Variants in RABGAP1L observed in about 807,000 individuals in gnomAD.
RABGAP1L encodes the protein rab GTPase-activating protein 1-like.
RABGAP1L carries 63 observed loss-of-function variants against 137.7 expected under a neutral mutation model. That is an observed-to-expected ratio of 0.46 (90% CI 0.37 to 0.56). The LOEUF is 0.56. Ranked by LOEUF, RABGAP1L falls within the 20% of genes least tolerant of loss-of-function variation. RABGAP1L has a pLI of 0.00. For missense variants in RABGAP1L, 1,095 were observed against 1,244.0 expected (o/e 0.88, Z 1.80); for synonymous variants, 431 against 433.7 (o/e 0.99, Z 0.08).
intron 19 of RABGAP1L, among the ~76,000 whole-genome samples, chr1:174,851,718 C>T (rs1648387809): frequency 6.6e-6 from 1 of 151,366 alleles, no homozygotes; most frequent in Non-Finnish European, 1.5e-5. Flanking sequence ...CAGAGTCTCT[C>T]TGTGGTTGCC....
intron 13 of RABGAP1L, among the ~76,000 whole-genome samples, chr1:174,511,893 A>G (rs1353710697): frequency 6.6e-6 from 1 of 152,162 alleles, no homozygotes; most frequent in African/African-American, 2.4e-5. Context: ...TGCTGGGATT[A>G]CAAGCATAAG....
chr1:174,388,650 T>C (rs771593588), intron 12 of RABGAP1L, among the ~76,000 whole-genome samples: 5 of 152,104 alleles, frequency 3.3e-5, no homozygotes, highest in Non-Finnish European at 7.4e-5. Flanking sequence ...CAGAATAATA[T>C]CTGGATAACT....
chr1:174,349,593 C>G (rs1216354324), intron 11 of RABGAP1L, among the ~76,000 whole-genome samples: 1 of 143,572 alleles, frequency 7.0e-6, no homozygotes, highest in Non-Finnish European at 1.6e-5. Context: ...GGCTGACCCC[C>G]CCCACCTCCC....
At chr1:174,831,553 A>T (rs1692119344) in intron 19 of RABGAP1L, among the ~76,000 whole-genome samples, 1 of 148,288 alleles carries the variant, frequency 6.7e-6, no homozygotes, top group African/African-American at 2.5e-5. Context: ...TGCTATAGAC[A>T]GACTCTTTGA....
intron 1 of RABGAP1L, among the ~76,000 whole-genome samples, chr1:174,213,259 T>C (rs963213204): frequency 6.6e-6 from 1 of 152,144 alleles, no homozygotes; most frequent in Non-Finnish European, 1.5e-5. Flanking sequence ...ACCCTGTCTC[T>C]ACTAAAAATA....
intron 19 of RABGAP1L, among the ~76,000 whole-genome samples, chr1:174,923,031 T>C (rs1340737233): frequency 2.6e-5 from 4 of 151,850 alleles, no homozygotes; most frequent in African/African-American, 4.8e-5. Flanking sequence ...AACAGCCAAG[T>C]ATGGTGGCAC....
At chr1:174,420,218 T>A (rs921955503) in intron 13 of RABGAP1L, among the ~76,000 whole-genome samples, 20 of 136,816 alleles carry the variant, frequency 1.5e-4, no homozygotes, top group Admixed American at 1.2e-3. Flanking sequence ...TTTTTTTTTT[T>A]AAATGGATAG....
chr1:174,722,542 T>C (rs1681647974), intron 17 of RABGAP1L, among the ~76,000 whole-genome samples: 1 of 151,810 alleles, frequency 6.6e-6, no homozygotes, highest in African/African-American at 2.4e-5. Flanking sequence ...CTCTGTCTCC[T>C]GGGTTCAAGC....
Position 174,268,723 on chromosome 1 carries a change from C to T in RABGAP1L, c.987-3691C>T, listed in dbSNP as rs1674294670. On this transcript the variant is annotated intron_variant, in intron 7 of 25. Coordinates refer to ENST00000681986, the MANE Select transcript of RABGAP1L (RefSeq NM_001366446.1). ...TTTTTCCTGCAGTTAAGTCTAAAGC[C>T]GTATTAGTGATACAGAGTTTTTGGT... Among the ~76,000 whole-genome samples the T allele has an allele frequency of 3.9e-5, 6 of 151,920 alleles. No individual in the cohort carries two copies. In the South Asian group the frequency reaches 1.2e-3, roughly 32 times the overall value.
At chr1:174,806,597 G>C (rs572179463) in intron 18 of RABGAP1L, among the ~76,000 whole-genome samples, 45 of 152,314 alleles carry the variant, frequency 3.0e-4, no homozygotes, top group Admixed American at 5.2e-4. Context: ...GACAGAGCAA[G>C]ACCCTGCCTC....
intron 13 of RABGAP1L, among the ~76,000 whole-genome samples, chr1:174,610,038 T>C (rs1451729446): frequency 6.6e-6 from 1 of 150,954 alleles, no homozygotes; most frequent in Non-Finnish European, 1.5e-5. Context: ...ATGCGTTTTT[T>C]TTTTCTTTTT....
intron 13 of RABGAP1L, among the ~76,000 whole-genome samples, chr1:174,629,566 G>A (rs578157023): frequency 2.4e-4 from 37 of 152,156 alleles, no homozygotes; most frequent in African/African-American, 8.7e-4. Flanking sequence ...ACGGAGTCTC[G>A]CTCTGTCGCC....
At chr1:174,686,648 C>A (rs1211425513) in intron 15 of RABGAP1L, among the ~76,000 whole-genome samples, 3 of 105,832 alleles carry the variant, frequency 2.8e-5, no homozygotes, top group East Asian at 3.5e-4. Flanking sequence ...ACAAAGCAAT[C>A]TTTTTTTTTT....
At chr1:174,872,686 A>G (rs1437305935) in intron 19 of RABGAP1L, among the ~76,000 whole-genome samples, 2 of 151,926 alleles carry the variant, frequency 1.3e-5, no homozygotes, top group African/African-American at 4.8e-5. Flanking sequence ...GACTACAGGA[A>G]CTTGCTACCA....
chr1:174,527,206 T>TA (rs1663957061), intron 13 of RABGAP1L, among the ~76,000 whole-genome samples: 2 of 75,480 alleles, frequency 2.6e-5, no homozygotes, highest in South Asian at 3.3e-4. Context: ...TTTATTTTGT[T>TA]TTTTTTTTTT....
chr1:174,879,243 G>A (rs1353906578), intron 19 of RABGAP1L, among the ~76,000 whole-genome samples: 1 of 152,070 alleles, frequency 6.6e-6, no homozygotes, highest in Admixed American at 6.6e-5. Flanking sequence ...TGGGACTACA[G>A]GTGCACACCA....
intron 14 of RABGAP1L, among the ~76,000 whole-genome samples, chr1:174,667,451 A>G (rs1435444677): frequency 6.6e-6 from 1 of 152,180 alleles, no homozygotes; most frequent in Non-Finnish European, 1.5e-5. Context: ...GACCTTGCCC[A>G]AGTTAGGTAC....
chr1:174,943,588 C>A (rs1291387106), intron 19 of RABGAP1L, among the ~76,000 whole-genome samples: 2 of 152,292 alleles, frequency 1.3e-5, no homozygotes, highest in East Asian at 3.9e-4. Flanking sequence ...GTAATCCCAG[C>A]ACTTTGGGAG....
chr1:174,498,494 T>C (rs1660946755), intron 13 of RABGAP1L, among the ~76,000 whole-genome samples: 1 of 151,820 alleles, frequency 6.6e-6, no homozygotes, highest in South Asian at 2.1e-4. Context: ...TTTATTTTTA[T>C]TTTTTATTTT....
Sources: allele counts gnomAD v4.1 joint callset (sites outside exome capture counted in the v4.1 genomes callset), GRCh38; gene constraint gnomAD v4.1.1; transcripts MANE v1.5; gene names NCBI Gene and HGNC (gene_info 2026-07-23, HGNC 2026-07-21).